The following C5orf58 variants were observed in gnomAD, a reference collection of about 807,000 sequenced individuals.
C5orf58 encodes the protein putative uncharacterized protein C5orf58.
Under a neutral mutation model 2.9 loss-of-function variants are expected in C5orf58, and 2 were observed. The ratio of observed to expected loss-of-function variants is 0.69; its 90% CI spans 0.28 to 2.18. C5orf58 has a LOEUF of 2.18. Among genes scored for constraint, C5orf58 ranks in the 30% most tolerant of loss-of-function variants. C5orf58 has a pLI of 0.13. For synonymous variants in C5orf58, 37 were observed against 33.4 expected (o/e 1.11, Z -0.37); for missense variants, 96 against 91.7 (o/e 1.05, Z -0.19).
At chr5:170,248,781 C>T (rs554784721), downstream of C5orf58, 2 of 1,611,990 alleles carry the variant, frequency 1.2e-6, no homozygotes, top group South Asian at 2.2e-5. Context: ...GTGGCATTTT[C>T]CTGAAGTAGT....
At chr5:170,241,504 G>A (rs1264691922) in intron 3 of C5orf58, among the ~76,000 whole-genome samples, 2 of 150,426 alleles carry the variant, frequency 1.3e-5, no homozygotes, top group Non-Finnish European at 2.9e-5. Flanking sequence ...TCCCTTGTAA[G>A]TTGGATCCCT....
In C5orf58 at chr5:170,235,008, TA is replaced by T. The variant is rs1287377619; in HGVS notation, c.35del (p.Asn12MetfsTer5). ...AAGAAGCGTGTTACTGATCATAAGC[TA>T]AATGTGGACAAAGTAATTAAAAATA... Reference protein sequence around the residue: MGKKRVTDHKLNVDKVIKNIN... With the variant: MGKKRVTDHKXNVDKVIKNIN... On this transcript the variant is annotated frameshift_variant, in exon 3 of 4. Coordinates refer to ENST00000593851, the MANE Select transcript of C5orf58 (RefSeq NM_001102609.3). LOFTEE classifies it high-confidence loss of function. 6.4e-7 allele frequency: 1 copy of T among 1,550,928 alleles called. No individual in the cohort carries two copies. Among genetic ancestry groups the T allele is most frequent in the East Asian group, 2.3e-5 (1 of 43,968 alleles).
At chr5:170,236,736 T>C (rs936057948) in intron 3 of C5orf58, among the ~76,000 whole-genome samples, 1 of 152,254 alleles carries the variant, frequency 6.6e-6, no homozygotes, top group African/African-American at 2.4e-5. Flanking sequence ...CATACTTGTC[T>C]GTCTGAAATC....
intron 3 of C5orf58, among the ~76,000 whole-genome samples, chr5:170,243,159 C>G (rs1328824914): frequency 6.7e-6 from 1 of 149,448 alleles, no homozygotes. Flanking sequence ...GTTATAATCT[C>G]TGTTCTTTTA....
At chr5:170,248,819 C>G (rs764946124), downstream of C5orf58, 1 of 1,611,662 alleles carries the variant, frequency 6.2e-7, no homozygotes, top group Non-Finnish European at 8.5e-7. Flanking sequence ...GACAGAAAGT[C>G]CTGAAAGAGT....
chr5:170,235,428 A>T (rs935253735), intron 3 of C5orf58, among the ~76,000 whole-genome samples: 3 of 152,206 alleles, frequency 2.0e-5, no homozygotes, highest in Admixed American at 6.5e-5. Context: ...ATTCCAAATT[A>T]AAAAGTATAA....
downstream of C5orf58, chr5:170,252,490 AC>A: frequency 6.4e-7 from 1 of 1,568,410 alleles, no homozygotes; most frequent in Non-Finnish European, 8.7e-7. Context: ...TAAGAAACGT[AC>A]CACTCTTCAT....
chr5:170,238,485 A>T (rs144035152), intron 3 of C5orf58, among the ~76,000 whole-genome samples: 101 of 152,322 alleles, frequency 6.6e-4, no homozygotes, highest in African/African-American at 2.2e-3. Context: ...CCAACATCCA[A>T]CAAATAAGAG....
downstream of C5orf58, chr5:170,247,803 T>C (rs970866566): frequency 1.3e-5 from 2 of 152,210 alleles, no homozygotes; most frequent in African/African-American, 4.8e-5. Context: ...TCCCTCGTCT[T>C]CCCAGGAAGC....
chr5:170,248,606 A>G (rs1761352118), downstream of C5orf58: 3 of 1,395,468 alleles, frequency 2.1e-6, no homozygotes, highest in African/African-American at 2.9e-5. Context: ...GGTTCAGTTC[A>G]GTCCTAAGTG....
chr5:170,246,052 C>T lies in C5orf58; in HGVS notation c.185C>T (p.Pro62Leu). 1 of 1,613,554 alleles carries T rather than the reference C, an allele frequency of 6.2e-7. No homozygotes were observed. Among genetic ancestry groups the T allele is most frequent in the East Asian group, 2.2e-5 (1 of 44,842 alleles). The change falls in exon 4 of 4, where the codon CCC becomes CTC. Residue 62 changes from proline (P) to leucine (L), a missense_variant. Transcript: ENST00000593851. The stretch of plus-strand genomic sequence containing the variant: ...TTAGCAGAAGCAGAAAGAAACAACC[C>T]CCTCTTTGAAGAGTCTAAAATATCA... The part of the protein sequence containing the change: ...ENLAEAERNN[P>L]LFEESKISDV...
At chr5:170,246,801 T>C (rs1761308730), downstream of C5orf58, 1 of 152,208 alleles carries the variant, frequency 6.6e-6, no homozygotes, top group African/African-American at 2.4e-5. Context: ...TGGGGTCATA[T>C]AGAAGGTCTG....
At chr5:170,248,425 A>G (rs1284709716), downstream of C5orf58, 2 of 292,180 alleles carry the variant, frequency 6.8e-6, no homozygotes, top group East Asian at 1.1e-4. Context: ...GCATTAAATA[A>G]TCTTTTAAAA....
At chr5:170,251,113 A>C, downstream of C5orf58, 1 of 450,248 alleles carries the variant, frequency 2.2e-6, no homozygotes, top group Non-Finnish European at 3.9e-6. Context: ...AGATTGTATC[A>C]AAGAAATTTC....
In C5orf58 at chr5:170,234,160, C is replaced by T. The variant is rs1760643177; in HGVS notation, c.-39C>T. 7.3e-7 allele frequency: 1 copy of T among 1,367,380 alleles called. No homozygotes were observed. The highest frequency in any genetic ancestry group is 9.8e-7 in the Non-Finnish European group (1 of 1,021,772). The allele number at this position is 1,367,380 out of a possible 1,614,324, so 84.7% of individuals were successfully genotyped here. A position where few individuals can be genotyped will look rare whatever the true frequency, so the allele number is the denominator to read the frequency against. Reference sequence around the variant, plus strand: ...AATGAGAGAAATTGCAGAAATTCTCCCTGCTCAGGAAAAGGTAGAGGCAAG... The same window carrying T: ...AATGAGAGAAATTGCAGAAATTCTCTCTGCTCAGGAAAAGGTAGAGGCAAG... On this transcript the variant is annotated 5_prime_UTR_variant, in exon 2 of 4. Transcript: ENST00000593851.
intron 1 of C5orf58, 44 bp from the exon 2 acceptor site, chr5:170,234,071 T>C (rs1413786777): frequency 6.8e-6 from 8 of 1,184,406 alleles, no homozygotes; most frequent in Non-Finnish European, 9.3e-6. Flanking sequence ...GTCTTGGGGG[T>C]AGATGCAAAG....
At chr5:170,249,496 T>A (rs1333730179), downstream of C5orf58, among the ~76,000 whole-genome samples, 1 of 151,878 alleles carries the variant, frequency 6.6e-6, no homozygotes, top group East Asian at 1.9e-4. Context: ...TTGCTCTGTT[T>A]TTGGTTTTGG....
chr5:170,245,147 C>T (rs1423270673), intron 3 of C5orf58, among the ~76,000 whole-genome samples: 4 of 152,176 alleles, frequency 2.6e-5, no homozygotes, highest in Non-Finnish European at 4.4e-5. Flanking sequence ...TCTCCAGCTG[C>T]GTGCTGGGAG....
downstream of C5orf58, chr5:170,246,649 A>C (rs1314398932): frequency 6.5e-6 from 1 of 152,938 alleles, no homozygotes; most frequent in Admixed American, 6.5e-5. Flanking sequence ...AGTGTACAGC[A>C]TTGCCTTTGG....
Sources: gnomAD v4.1 joint callset for allele counts (sites outside exome capture counted in the v4.1 genomes callset) on GRCh38, gnomAD v4.1.1 for gene constraint, MANE v1.5 for transcripts, NCBI Gene and HGNC (gene_info 2026-07-23, HGNC 2026-07-21) for gene names.